AASDH: variants seen among roughly 807,000 people sequenced by gnomAD.
AASDH encodes aminoadipate-semialdehyde dehydrogenase.
AASDH carries 81 observed loss-of-function variants against 102.3 expected under a neutral mutation model. The ratio of observed to expected loss-of-function variants is 0.79; its 90% confidence interval spans 0.66 to 0.95. AASDH has a LOEUF of 0.95. AASDH is among the 40% of genes least tolerant of loss of function. The pLI, the probability that AASDH is intolerant of heterozygous loss-of-function variation, is 0.00. For synonymous variants in AASDH, 398 were observed against 454.0 expected (o/e 0.88, Z 1.57); for missense variants, 1,203 against 1,266.2 (o/e 0.95, Z 0.76).
At chr4:56,383,985 A>G in intron 2 of AASDH, 85 bp downstream of exon 2, 2 of 1,191,158 alleles carry the variant, frequency 1.7e-6, no homozygotes, top group African/African-American at 1.5e-5. Context: ...CCAATAGTAA[A>G]CAGAACAATA....
chr4:56,368,878 A>T (rs1370551324), intron 5 of AASDH, among the ~76,000 whole-genome samples: 2 of 143,496 alleles, frequency 1.4e-5, no homozygotes, highest in Admixed American at 7.0e-5. Flanking sequence ...TAAAAAAAAA[A>T]ACAAATGTAA....
chr4:56,367,108 C>T (rs1751110276), intron 5 of AASDH, among the ~76,000 whole-genome samples: 1 of 151,990 alleles, frequency 6.6e-6, no homozygotes, highest in African/African-American at 2.4e-5. Context: ...GAGTGAACTC[C>T]CATTCACAAT....
chr4:56,374,177 G>C (rs1278422917), intron 4 of AASDH, among the ~76,000 whole-genome samples: 1 of 152,026 alleles, frequency 6.6e-6, no homozygotes, highest in African/African-American at 2.4e-5. Flanking sequence ...TCAGGAGTTT[G>C]AGACCAGCCT....
At chr4:56,383,989 A>G in intron 2 of AASDH, 81 bp downstream of exon 2, 1 of 1,229,428 alleles carries the variant, frequency 8.1e-7, no homozygotes, top group Non-Finnish European at 1.2e-6. Flanking sequence ...TAGTAAACAG[A>G]ACAATAACTT....
Position 56,343,604 on chromosome 4 carries a change from C to A in AASDH, c.2733G>T (p.Leu911Phe). Residue 911 changes from leucine to phenylalanine, a missense_variant, in exon 13 of 15, where the codon TTG becomes TTT. Leu to Phe is a conservative substitution (Grantham distance 22, BLOSUM62 0). Coordinates refer to ENST00000205214, the MANE Select transcript of AASDH (RefSeq NM_181806.4). The stretch of plus-strand genomic sequence containing the variant: ...AAAGTCCTCCCAATGTAGCAAAATA[C>A]AAATGATGTGGAATCAGGTTCAAAC... ...SPCLNLIPHHLYFATLGGLLL... is the reference protein window; with the variant it reads ...SPCLNLIPHHFYFATLGGLLL... 1 of 1,610,126 alleles carries A rather than the reference C, an allele frequency of 6.2e-7. No individual in the cohort carries two copies. The highest frequency in any genetic ancestry group is 8.5e-7 in the Non-Finnish European group (1 of 1,177,846).
In AASDH at chr4:56,370,563, C is replaced by T. The variant is rs535810939; in HGVS notation, c.861+888G>A. On this transcript the variant is annotated intron_variant, in intron 5 of 14. Transcript: ENST00000205214. ...TAAAACCCTTTCCATCAAGTGAGGA[C>T]CCAATGAAAAGACCGCAGTCTAATG... is the stretch of plus-strand genomic sequence containing the variant. Among the ~76,000 whole-genome samples the T allele has an allele frequency of 2.0e-5, 3 of 152,212 alleles. 1 individual carries two copies. In the East Asian group the frequency reaches 5.8e-4, roughly 29 times the overall value.
chr4:56,345,326 A>C, intron 11 of AASDH, 36 bp from the exon 12 acceptor site: 1 of 1,576,510 alleles, frequency 6.3e-7, no homozygotes, highest in South Asian at 1.1e-5. Context: ...TTTGATATAG[A>C]TATATTACTG....
intron 9 of AASDH, among the ~76,000 whole-genome samples, chr4:56,351,917 CAAAAAA>C (rs34850926): frequency 1.0e-5 from 1 of 99,440 alleles, no homozygotes; most frequent in Non-Finnish European, 2.3e-5. Flanking sequence ...ACCCTATCTC[CAAAAAA>C]AAAAAAAAAA....
At chr4:56,379,893 G>A (rs868655372) in intron 3 of AASDH, among the ~76,000 whole-genome samples, 5 of 152,140 alleles carry the variant, frequency 3.3e-5, no homozygotes, top group Non-Finnish European at 5.9e-5. Context: ...GGTGAGGTGC[G>A]TTGTTGATAG....
chr4:56,384,323 C>CA lies in AASDH; in HGVS notation c.-25dup. ...ATTTCACTGAAGTTTATCTAAACAT[C>CA]AATTTGTAGCACAGAACCCTGTGTA... On this transcript the variant is annotated 5_prime_UTR_variant, in exon 2 of 15. Transcript: ENST00000205214. 6.2e-7 allele frequency: 1 copy of CA among 1,602,024 alleles called. No homozygotes were observed.
intron 4 of AASDH, among the ~76,000 whole-genome samples, chr4:56,373,314 G>C (rs1751960702): frequency 6.6e-6 from 1 of 151,848 alleles, no homozygotes; most frequent in Admixed American, 6.6e-5. Flanking sequence ...TAATTTTTTT[G>C]AGTTTTTAGT....
At chr4:56,378,589 T>A in intron 3 of AASDH, 125 bp from the exon 4 acceptor site, 1 of 845,570 alleles carries the variant, frequency 1.2e-6, no homozygotes, top group Non-Finnish European at 1.8e-6. Context: ...TAGGATCATC[T>A]CAGATACCAA....
chr4:56,377,815 T>C (rs138924452), intron 4 of AASDH, among the ~76,000 whole-genome samples: 2 of 152,316 alleles, frequency 1.3e-5, no homozygotes, highest in East Asian at 3.9e-4. Context: ...TTTTGTTTTG[T>C]TTTGTTTTTG....
intron 1 of AASDH, among the ~76,000 whole-genome samples, chr4:56,386,834 A>G (rs904489289): frequency 2.0e-5 from 3 of 150,378 alleles, no homozygotes; most frequent in Non-Finnish European, 4.4e-5. Flanking sequence ...GAAAAAAAAA[A>G]GCAAACTCTG....
chr4:56,346,929 T>G (rs1203664345), intron 11 of AASDH, among the ~76,000 whole-genome samples: 1 of 151,690 alleles, frequency 6.6e-6, no homozygotes, highest in African/African-American at 2.4e-5. Flanking sequence ...TAGTCCCAGC[T>G]ACTCCAGAAG....
chr4:56,364,062 A>T (rs374290038), intron 5 of AASDH, among the ~76,000 whole-genome samples: 80 of 152,356 alleles, frequency 5.3e-4, no homozygotes, highest in Middle Eastern at 3.4e-3. Flanking sequence ...CGAGAACTAC[A>T]TGATGAATGC....
intron 5 of AASDH, among the ~76,000 whole-genome samples, chr4:56,366,625 G>A (rs1751044923): frequency 6.6e-6 from 1 of 151,850 alleles, no homozygotes; most frequent in African/African-American, 2.4e-5. Context: ...AAAACCACAT[G>A]ATTATCTCAA....
At chr4:56,381,649 T>TCTCACACACACA (rs3223650) in intron 3 of AASDH, 4,069 of 142,324 alleles carry the variant, frequency 0.029, 83 homozygotes, top group African/African-American at 0.055. Flanking sequence ...TTGACACTTC[T>TCTCACACACACA]CACACACACA....
At position 56,350,076 on chromosome 4, in the gene AASDH, G is replaced by T. The variant is rs764294959; in HGVS notation, c.1693-18C>A. 119 of 1,543,480 alleles carry T rather than the reference G, an allele frequency of 7.7e-5. No individual in the cohort carries two copies. Among genetic ancestry groups the T allele is most frequent in the Non-Finnish European group, 1.0e-4 (116 of 1,157,278 alleles). ...AGAGTAGACTACAGATGAGAGAATA[G>T]AGAAATATGTGACGTAAAGGTCTAA... On this transcript the variant is annotated intron_variant, in intron 10 of 14. Coordinates refer to ENST00000205214, the MANE Select transcript of AASDH (RefSeq NM_181806.4).
Sources: gnomAD v4.1 joint callset for allele counts (sites outside exome capture counted in the v4.1 genomes callset) on GRCh38, gnomAD v4.1.1 for gene constraint, MANE v1.5 for transcripts, NCBI Gene and HGNC (gene_info 2026-07-23, HGNC 2026-07-21) for gene names.